The following STRN3 variants were observed in gnomAD, a reference collection of about 807,000 sequenced individuals.
STRN3 encodes striatin 3.
A neutral mutation model predicts 95.6 loss-of-function variants in STRN3; 29 were observed. That is an observed-to-expected ratio of 0.30 (90% CI 0.23 to 0.41). The LOEUF is 0.41. STRN3 is among the 10% of genes least tolerant of loss of function. The probability of loss-of-function intolerance (pLI) is 1.00; values close to 1 mark genes in which losing one functional copy is unlikely to be tolerated. For synonymous variants in STRN3, 331 were observed against 357.6 expected (o/e 0.93, Z 0.84); for missense variants, 890 against 972.1 (o/e 0.92, Z 1.12).
chr14:30,984,139 C>A (rs867829901), intron 1 of STRN3, among the ~76,000 whole-genome samples: 8 of 125,098 alleles, frequency 6.4e-5, no homozygotes, highest in Middle Eastern at 4.2e-3. Context: ...CCCCCCCAAC[C>A]CCCCCCCACA....
intron 16 of STRN3, among the ~76,000 whole-genome samples, chr14:30,896,307 A>G (rs1297083182): frequency 2.6e-5 from 4 of 152,214 alleles, no homozygotes; most frequent in Non-Finnish European, 5.9e-5. Context: ...TGACAATAGG[A>G]TTGCATCAAA....
At chr14:30,926,172 A>T (rs780026758) in intron 8 of STRN3, among the ~76,000 whole-genome samples, 6 of 152,128 alleles carry the variant, frequency 3.9e-5, no homozygotes, top group Non-Finnish European at 8.8e-5. Context: ...AAAGAAACAT[A>T]ATTTATTTCT....
chr14:30,953,233 T>G (rs1879739390), intron 3 of STRN3, among the ~76,000 whole-genome samples: 2 of 152,216 alleles, frequency 1.3e-5, no homozygotes, highest in African/African-American at 2.4e-5. Flanking sequence ...CACGCCCATG[T>G]AACCAGTACC....
intron 1 of STRN3, among the ~76,000 whole-genome samples, chr14:30,973,134 TGGAGGC>T (rs2139200765): frequency 6.6e-6 from 1 of 151,630 alleles, no homozygotes; most frequent in East Asian, 2.0e-4. Context: ...ACTTGTACCC[TGGAGGC>T]GGAGGTTACA....
intron 13 of STRN3, among the ~76,000 whole-genome samples, chr14:30,908,258 C>CCACGG (rs1312559373): frequency 6.6e-6 from 1 of 152,168 alleles, no homozygotes; most frequent in Admixed American, 6.5e-5. Context: ...TCCTATCCTA[C>CCACGG]CACCCCTTCC....
rs755729787 is a variant in STRN3 at position 30,912,051 on chromosome 14, A to G, written c.1506T>C (p.His502=). The G allele has an allele frequency of 3.1e-6, 5 of 1,613,932 alleles. No individual in the cohort carries two copies. In the East Asian group the frequency reaches 1.1e-4, roughly 36 times the overall value. Residue 502 remains histidine (H), a synonymous_variant, in exon 11 of 18, where the codon CAT becomes CAC. Transcript: ENST00000357479. ...EPVLVTASED[H]TLKLWNLQKT... The stretch of plus-strand genomic sequence containing the variant: ...TTTGCAGGTTCCAAAGTTTCAGGGT[A>G]TGGTCCTCAGAAGCAGTAACCAGCA...
chr14:31,013,863 T>TTTTATTA (rs1462314709), intron 1 of STRN3, among the ~76,000 whole-genome samples: 1 of 81,044 alleles, frequency 1.2e-5, no homozygotes. Flanking sequence ...TCAAAGCAAT[T>TTTTATTA]TTATTATTAT....
chr14:30,994,767 C>T (rs547324255), intron 1 of STRN3, among the ~76,000 whole-genome samples: 2 of 152,244 alleles, frequency 1.3e-5, no homozygotes, highest in Non-Finnish European at 2.9e-5. Context: ...GACTGGACTA[C>T]TGAGTGCCTC....
chr14:30,921,601 T>G (rs1896886618), intron 8 of STRN3, among the ~76,000 whole-genome samples: 2 of 152,328 alleles, frequency 1.3e-5, no homozygotes, highest in South Asian at 4.1e-4. Flanking sequence ...ATCTTTCAAC[T>G]GCAAATTTAA....
intron 1 of STRN3, among the ~76,000 whole-genome samples, chr14:30,972,795 A>C (rs555849112): frequency 6.6e-6 from 1 of 151,952 alleles, no homozygotes; most frequent in South Asian, 2.1e-4. Flanking sequence ...AAAGAACAAG[A>C]CCCTATCTCT....
chr14:30,970,179 G>A (rs1410751895), intron 1 of STRN3, among the ~76,000 whole-genome samples: 2 of 152,078 alleles, frequency 1.3e-5, no homozygotes, highest in African/African-American at 4.8e-5. Flanking sequence ...ATACCCTGTG[G>A]GGACTTGCCA....
rs891678776 is a variant in STRN3 at position 30,976,423 on chromosome 14, T to C, written c.283-20181A>G. 7.9e-5 allele frequency among the ~76,000 whole-genome samples: 12 copies of C among 152,286 alleles called. No homozygotes were observed. In the South Asian group the frequency reaches 1.7e-3, roughly 21 times the overall value. On this transcript the variant is annotated intron_variant, in intron 1 of 17. Coordinates refer to ENST00000357479, the MANE Select transcript of STRN3 (RefSeq NM_001083893.2). ...TGAGAAATACATGAATCCACTATTA[T>C]AGCTGGAAACTACAACACTCCTCTA...
intron 1 of STRN3, among the ~76,000 whole-genome samples, chr14:30,975,789 G>A (rs2139208868): frequency 1.4e-5 from 2 of 146,898 alleles, no homozygotes; most frequent in Middle Eastern, 7.1e-3. Flanking sequence ...AGCTATGATG[G>A]TGCCACTGCA....
intron 1 of STRN3, among the ~76,000 whole-genome samples, chr14:31,020,236 T>C (rs1329547125): frequency 6.6e-6 from 1 of 152,206 alleles, no homozygotes; most frequent in Non-Finnish European, 1.5e-5. Flanking sequence ...CAGTGGCTCA[T>C]GCCTGTAATC....
At chr14:30,964,296 G>A (rs1297240399) in intron 1 of STRN3, 1 of 152,224 alleles carries the variant, frequency 6.6e-6, no homozygotes, top group East Asian at 1.9e-4. Flanking sequence ...TTTGAAGCCA[G>A]TTGGATCATG....
At chr14:30,983,451 G>A (rs1164945634) in intron 1 of STRN3, among the ~76,000 whole-genome samples, 1 of 152,178 alleles carries the variant, frequency 6.6e-6, no homozygotes, top group East Asian at 1.9e-4. Context: ...AGGCTGAGAC[G>A]GGGGAATCGC....
intron 1 of STRN3, among the ~76,000 whole-genome samples, chr14:31,024,803 G>A (rs1240988190): frequency 6.6e-6 from 1 of 152,142 alleles, no homozygotes; most frequent in Non-Finnish European, 1.5e-5. Flanking sequence ...TGAAGAACAG[G>A]TGCAATACTA....
At chr14:30,987,881 G>C (rs919833071) in intron 1 of STRN3, among the ~76,000 whole-genome samples, 1 of 152,162 alleles carries the variant, frequency 6.6e-6, no homozygotes, top group South Asian at 2.1e-4. Flanking sequence ...GGGATTACAG[G>C]TGTGTGCCAC....
Position 30,944,100 on chromosome 14 carries a change from G to A in STRN3, c.716+2990C>T, listed in dbSNP as rs1879223329. Among the ~76,000 whole-genome samples, 3 of 152,006 alleles carry A rather than the reference G, an allele frequency of 2.0e-5. No individual in the cohort carries two copies. In the South Asian group the frequency reaches 6.2e-4, roughly 32 times the overall value. On this transcript the variant is annotated intron_variant, in intron 5 of 17. Coordinates refer to ENST00000357479, the MANE Select transcript of STRN3 (RefSeq NM_001083893.2). ...GCAAAGGCAAGAAGCTTTACAAGGA[G>A]AAGATACAGCTTATCGAGGATCTTT... is the stretch of plus-strand genomic sequence containing the variant.
Sources: allele counts gnomAD v4.1 joint callset (sites outside exome capture counted in the v4.1 genomes callset), GRCh38; gene constraint gnomAD v4.1.1; transcripts MANE v1.5; gene names NCBI Gene and HGNC (gene_info 2026-07-23, HGNC 2026-07-21).